Variants in LCOR observed in about 807,000 individuals in gnomAD.
LCOR encodes the protein ligand dependent nuclear receptor corepressor, also known as ligand-dependent corepressor.
LCOR carries 14 observed loss-of-function variants against 64.4 expected under a neutral mutation model. The ratio of observed to expected loss-of-function variants is 0.22; its 90% CI spans 0.14 to 0.34. The LOEUF (loss-of-function observed/expected upper bound fraction) is 0.34, where lower values mean the gene tolerates loss of function less well. Ranked by LOEUF, LCOR falls within the 10% of genes least tolerant of loss-of-function variation. LCOR has a pLI of 1.00. For missense variants in LCOR, 1,686 were observed against 1,765.3 expected, an observed-to-expected ratio of 0.96 and a Z score of 0.80; for synonymous variants, 643 against 642.5, an observed-to-expected ratio of 1.00 and a Z score of -0.01.
intron 2 of LCOR, among the ~76,000 whole-genome samples, chr10:96,860,533 C>T (rs1589611568): frequency 6.6e-6 from 1 of 152,202 alleles, no homozygotes; most frequent in Non-Finnish European, 1.5e-5. Flanking sequence ...TTTCTGACTT[C>T]TAGCCTCTAG....
At chr10:96,897,504 G>T (rs1261599353) in intron 2 of LCOR, among the ~76,000 whole-genome samples, 1 of 152,176 alleles carries the variant, frequency 6.6e-6, no homozygotes. Context: ...ACTGCCCCTG[G>T]ATTTCCAAAG....
At chr10:96,915,149 C>T (rs1323740776) in intron 4 of LCOR, among the ~76,000 whole-genome samples, 2 of 152,184 alleles carry the variant, frequency 1.3e-5, no homozygotes, top group Non-Finnish European at 2.9e-5. Context: ...CGGAGACATT[C>T]TATTAGTGAC....
chr10:96,986,290 A>G lies in LCOR; in HGVS notation c.*1156A>G, dbSNP rs993204335. ...GCCCAGTGTCTCTGTGAGCATCCCC[A>G]ATACCACTTTGGTACCAGACTCAGA... On this transcript the variant is annotated 3_prime_UTR_variant, in exon 8 of 8. Transcript: ENST00000421806. 1.2e-5 allele frequency: 2 copies of G among 162,282 alleles called. No homozygotes were observed. Among genetic ancestry groups the G allele is most frequent in the African/African-American group, 4.8e-5 (2 of 41,436 alleles). 10.1% of individuals were successfully genotyped at this position (162,282 alleles called of 1,614,324 possible).
At chr10:96,966,941 G>T (rs1475242705) in intron 7 of LCOR, among the ~76,000 whole-genome samples, 1 of 152,162 alleles carries the variant, frequency 6.6e-6, no homozygotes, top group African/African-American at 2.4e-5. Context: ...TCAGTACGTT[G>T]CCCTGGCTGG....
At chr10:96,944,620 CG>C (rs1278665697) in intron 5 of LCOR, among the ~76,000 whole-genome samples, 1 of 146,630 alleles carries the variant, frequency 6.8e-6, no homozygotes, top group East Asian at 2.0e-4. Flanking sequence ...GTAATTTCAA[CG>C]TGAAATTTCA....
At chr10:96,952,819 A>C (rs563310680) in intron 7 of LCOR, among the ~76,000 whole-genome samples, 1 of 152,318 alleles carries the variant, frequency 6.6e-6, no homozygotes, top group East Asian at 1.9e-4. Context: ...GTATCTGATA[A>C]CCAACTAGAA....
chr10:96,834,137 G>A (rs1040423865), intron 2 of LCOR, among the ~76,000 whole-genome samples: 12 of 152,130 alleles, frequency 7.9e-5, no homozygotes, highest in Non-Finnish European at 1.5e-5. Context: ...TTTCTACAGG[G>A]TTTCATTACG....
chr10:96,851,631 T>C (rs936210031), intron 2 of LCOR, among the ~76,000 whole-genome samples: 2 of 152,238 alleles, frequency 1.3e-5, no homozygotes, highest in African/African-American at 2.4e-5. Context: ...ATGAGGCAGA[T>C]GACTCTGGAG....
chr10:96,891,866 A>G (rs1318292828), intron 2 of LCOR, among the ~76,000 whole-genome samples: 2 of 152,028 alleles, frequency 1.3e-5, no homozygotes, highest in Non-Finnish European at 2.9e-5. Context: ...TTGAGTAACT[A>G]TTTAAGAATG....
At chr10:96,859,716 C>A (rs1845857657) in intron 2 of LCOR, among the ~76,000 whole-genome samples, 1 of 152,058 alleles carries the variant, frequency 6.6e-6, no homozygotes, top group African/African-American at 2.4e-5. Context: ...TGCTACCAAA[C>A]CTGGCTAATT....
intron 5 of LCOR, among the ~76,000 whole-genome samples, 188 bp from the exon 6 acceptor site, chr10:96,948,820 A>AT (rs1847629027): frequency 6.6e-6 from 1 of 152,120 alleles, no homozygotes; most frequent in Non-Finnish European, 1.5e-5. Flanking sequence ...GTTTAGAATT[A>AT]TTTTAATAAA....
intron 2 of LCOR, among the ~76,000 whole-genome samples, chr10:96,890,612 T>A (rs1029620713): frequency 2.4e-4 from 36 of 152,300 alleles, no homozygotes; most frequent in Admixed American, 1.4e-3. Context: ...GTAGAAATGG[T>A]AAGAGCAGAC....
chr10:96,935,065 T>A (rs1299534027), intron 4 of LCOR, among the ~76,000 whole-genome samples: 1 of 152,164 alleles, frequency 6.6e-6, no homozygotes, highest in African/African-American at 2.4e-5. Flanking sequence ...AATAATGTAT[T>A]ATTTTAGAAT....
chr10:96,901,718 A>G (rs936136641), intron 2 of LCOR, among the ~76,000 whole-genome samples: 2 of 152,160 alleles, frequency 1.3e-5, no homozygotes, highest in South Asian at 4.1e-4. Context: ...ACACTTCACT[A>G]TACAATATTA....
At position 96,893,626 on chromosome 10, in the gene LCOR, G is replaced by T. The variant is rs1355069574; in HGVS notation, c.-329-13639G>T. On this transcript the variant is annotated intron_variant, in intron 2 of 7. Transcript: ENST00000421806. ...AAAAATACAAAAACTAACTGGGCAT[G>T]GTGGTGGGCATCTGTAGTCCCAGCT... Among the ~76,000 whole-genome samples, 3 of 152,122 alleles carry T rather than the reference G, an allele frequency of 2.0e-5. 1 individual carries two copies. Among genetic ancestry groups the T allele is most frequent in the Non-Finnish European group, 4.4e-5 (3 of 68,018 alleles).
intron 7 of LCOR, among the ~76,000 whole-genome samples, chr10:96,969,921 AG>A (rs1279269777): frequency 1.5e-4 from 22 of 143,422 alleles, no homozygotes; most frequent in African/African-American, 5.4e-4. Context: ...CTGGGACTAC[AG>A]GCACCCGCCA....
chr10:96,905,241 C>T (rs1355106904), intron 2 of LCOR, among the ~76,000 whole-genome samples: 1 of 151,960 alleles, frequency 6.6e-6, no homozygotes, highest in Non-Finnish European at 1.5e-5. Context: ...GCTATATTTA[C>T]TTTTTTCCTT....
intron 7 of LCOR, chr10:96,961,439 C>G (rs983756954): frequency 6.6e-6 from 1 of 151,958 alleles, no homozygotes; most frequent in African/African-American, 2.4e-5. Flanking sequence ...TGAACATGCT[C>G]AAGATGATCA....
rs550451475 is a variant in LCOR at position 96,866,300 on chromosome 10, A to T, written c.-330+32821A>T. On this transcript the variant is annotated intron_variant, in intron 2 of 7. Coordinates refer to ENST00000421806, the MANE Select transcript of LCOR (RefSeq NM_001346516.2). ...CCCAGCCATAGGCAATTATTAGTAT[A>T]CTTTGTCTCTATTCATTTGCCTATT... is the stretch of plus-strand genomic sequence containing the variant. 4.6e-5 allele frequency among the ~76,000 whole-genome samples: 7 copies of T among 152,174 alleles called. No individual in the cohort carries two copies. The South Asian group carries it at 1.5e-3, about 32-fold the overall frequency.
Sources: allele counts gnomAD v4.1 joint callset (sites outside exome capture counted in the v4.1 genomes callset), GRCh38; gene constraint gnomAD v4.1.1; transcripts MANE v1.5; gene names NCBI Gene and HGNC (gene_info 2026-07-23, HGNC 2026-07-21).